The following PSME4 variants were observed in gnomAD, a reference collection of about 807,000 sequenced individuals.
PSME4 encodes the protein proteasome activator complex subunit 4.
Under a neutral mutation model 253.9 loss-of-function variants are expected in PSME4, and 89 were observed. The ratio of observed to expected loss-of-function variants is 0.35; its 90% CI spans 0.30 to 0.42. PSME4 has a LOEUF of 0.42. PSME4 is among the 10% of genes least tolerant of loss of function. PSME4 has a pLI of 1.00. For synonymous variants in PSME4, 851 were observed against 759.2 expected, an observed-to-expected ratio of 1.12 and a Z score of -1.99; for missense variants, 2,014 against 2,195.2, an observed-to-expected ratio of 0.92 and a Z score of 1.65.
chr2:53,935,840 C>T (rs1389762696), intron 7 of PSME4, among the ~76,000 whole-genome samples: 2 of 151,786 alleles, frequency 1.3e-5, no homozygotes, highest in African/African-American at 2.4e-5. Context: ...ATAGAAAAAA[C>T]GTTTCTCCTT....
intron 41 of PSME4, among the ~76,000 whole-genome samples, chr2:53,882,988 A>G (rs1573209428): frequency 6.6e-6 from 1 of 152,212 alleles, no homozygotes; most frequent in East Asian, 1.9e-4. Flanking sequence ...AGTCTATCTT[A>G]TACTTTTATG....
At chr2:53,950,841 C>CAA (rs77155080) in intron 1 of PSME4, among the ~76,000 whole-genome samples, 17 of 71,376 alleles carry the variant, frequency 2.4e-4, no homozygotes, top group South Asian at 5.1e-4. Context: ...AACTCCGTCT[C>CAA]AAAAAAAAAA....
At chr2:53,953,778 T>G (rs1670108344) in intron 1 of PSME4, among the ~76,000 whole-genome samples, 1 of 152,166 alleles carries the variant, frequency 6.6e-6, no homozygotes, top group Non-Finnish European at 1.5e-5. Context: ...ATTTTCACAT[T>G]AGGTTTTAGG....
intron 44 of PSME4, 87 bp downstream of exon 44, chr2:53,869,289 T>C: frequency 6.1e-6 from 8 of 1,320,838 alleles, no homozygotes; most frequent in Non-Finnish European, 8.2e-6. Flanking sequence ...GGCACATACA[T>C]ACAAGTTATT....
chr2:53,945,541 G>A (rs1017480555), intron 3 of PSME4, among the ~76,000 whole-genome samples: 3 of 152,126 alleles, frequency 2.0e-5, no homozygotes, highest in Non-Finnish European at 2.9e-5. Context: ...ATAGGAAAGG[G>A]GATGAAGAGA....
In PSME4 at chr2:53,932,003, G is replaced by A. The variant is rs1363821731; in HGVS notation, c.1148C>T (p.Pro383Leu). ...TTGATCAGTAAGCTTGTGGCTATCA[G>A]GCACAGGAGTTAACCAAGAGGGCTT... ...YKKPSWLTPV[P>L]DSHKLTDQDV... The change falls in exon 10 of 47, where the codon CCT (proline) becomes CTT (leucine). Residue 383 changes from proline to leucine, a missense_variant. Physicochemically the swap from Pro to Leu is moderately conservative, Grantham distance 98. Transcript: ENST00000404125. 1 of 1,613,782 alleles carries A rather than the reference G, an allele frequency of 6.2e-7. No homozygotes were observed. Among genetic ancestry groups the A allele is most frequent in the Non-Finnish European group, 8.5e-7 (1 of 1,179,796 alleles).
chr2:53,887,342 T>G lies in PSME4; in HGVS notation c.4646A>C (p.Glu1549Ala). 6.2e-7 allele frequency: 1 copy of G among 1,614,022 alleles called. No homozygotes were observed. Among genetic ancestry groups the G allele is most frequent in the Non-Finnish European group, 8.5e-7 (1 of 1,179,910 alleles). The change falls in exon 40 of 47, where the codon GAA (glutamate) becomes GCA (alanine). Residue 1549 changes from glutamate to alanine, a missense_variant. Physicochemically the swap from Glu to Ala is moderately radical, Grantham distance 107 (BLOSUM62 -1). Coordinates refer to ENST00000404125, the MANE Select transcript of PSME4 (RefSeq NM_014614.3). ...EKLKPLMDVD[E>A]EIQNHVMEEN... ...TTCCATAACATGGTTCTGAATTTCT[T>G]CATCCACATCCATGAGAGGTTTCAA...
chr2:53,941,376 C>G (rs55696549), intron 3 of PSME4, among the ~76,000 whole-genome samples: 2,022 of 151,224 alleles, frequency 0.013, 23 homozygotes, highest in Non-Finnish European at 0.021. Flanking sequence ...TCTTCTTTTT[C>G]TTATGAAAAG....
At chr2:53,970,206 G>A (rs1012887792) in intron 1 of PSME4, among the ~76,000 whole-genome samples, 1 of 152,150 alleles carries the variant, frequency 6.6e-6, no homozygotes, top group Non-Finnish European at 1.5e-5. Context: ...GTCCACGGAG[G>A]ACCCTTGAGA....
chr2:53,907,078 T>C (rs1240478720), intron 24 of PSME4, among the ~76,000 whole-genome samples: 1 of 152,164 alleles, frequency 6.6e-6, no homozygotes, highest in African/African-American at 2.4e-5. Context: ...CCCTTTTAAA[T>C]AGCCCATCCA....
At chr2:53,887,491 T>C in intron 39 of PSME4, 24 bp from the exon 40 acceptor site, 1 of 1,569,624 alleles carries the variant, frequency 6.4e-7, no homozygotes, top group Non-Finnish European at 8.7e-7. Flanking sequence ...TACTTAATAA[T>C]AGGAAGAGGT....
At chr2:53,900,127 A>G in intron 28 of PSME4, 110 bp from the exon 29 acceptor site, 9 of 967,374 alleles carry the variant, frequency 9.3e-6, no homozygotes, top group Admixed American at 2.8e-5. Flanking sequence ...AAAAGTCCAC[A>G]TATTTTACGA....
chr2:53,955,128 G>A (rs992667921), intron 1 of PSME4, among the ~76,000 whole-genome samples: 8 of 152,104 alleles, frequency 5.3e-5, no homozygotes, highest in African/African-American at 1.9e-4. Flanking sequence ...CCATGATCTT[G>A]CCACTGCATT....
chr2:53,905,120 C>G (rs189363035), intron 26 of PSME4, among the ~76,000 whole-genome samples: 1,777 of 151,182 alleles, frequency 0.012, 24 homozygotes, highest in Non-Finnish European at 0.019. Context: ...ACCTCCGCCT[C>G]CCAGGGTTCA....
intron 1 of PSME4, among the ~76,000 whole-genome samples, chr2:53,951,882 G>A (rs1170502037): frequency 6.6e-6 from 1 of 152,072 alleles, no homozygotes; most frequent in Non-Finnish European, 1.5e-5. Context: ...AAATGGTAAC[G>A]CACGTAGATT....
At chr2:53,909,049 T>C (rs1241927308) in intron 21 of PSME4, among the ~76,000 whole-genome samples, 1 of 152,012 alleles carries the variant, frequency 6.6e-6, no homozygotes, top group Non-Finnish European at 1.5e-5. Flanking sequence ...ATGTCTATCA[T>C]GCTTCAAGAT....
intron 44 of PSME4, among the ~76,000 whole-genome samples, chr2:53,868,800 G>C (rs1678729489): frequency 1.3e-5 from 2 of 151,120 alleles, no homozygotes; most frequent in African/African-American, 4.9e-5. Flanking sequence ...TTTCTATTAT[G>C]ATTACAGTTA....
chr2:53,923,760 T>TA (rs1285496654), intron 14 of PSME4, among the ~76,000 whole-genome samples: 2 of 151,664 alleles, frequency 1.3e-5, no homozygotes, highest in African/African-American at 4.8e-5. Flanking sequence ...CTGTCTCCAC[T>TA]AAAAATGCAA....
chr2:53,938,130 G>T (rs188992246), intron 4 of PSME4, among the ~76,000 whole-genome samples: 8 of 151,988 alleles, frequency 5.3e-5, no homozygotes, highest in Non-Finnish European at 1.0e-4. Context: ...AAATTAAACA[G>T]AGTTTTTGTC....
Sources: allele counts gnomAD v4.1 joint callset (sites outside exome capture counted in the v4.1 genomes callset), GRCh38; gene constraint gnomAD v4.1.1; transcripts MANE v1.5; gene names NCBI Gene and HGNC (gene_info 2026-07-23, HGNC 2026-07-21).